The following SNAP25 variants were observed in gnomAD, a reference collection of about 807,000 sequenced individuals.
The protein encoded by SNAP25 is synaptosome associated protein 25.
A neutral mutation model predicts 28.7 loss-of-function variants in SNAP25; 3 were observed. The ratio of observed to expected loss-of-function variants is 0.10; its 90% CI spans 0.05 to 0.27. SNAP25 has a LOEUF of 0.27. Ranked by LOEUF, SNAP25 falls within the 10% of genes least tolerant of loss-of-function variation. SNAP25 has a pLI of 1.00. For synonymous variants in SNAP25, 61 were observed against 88.1 expected, an observed-to-expected ratio of 0.69 and a Z score of 1.72; for missense variants, 117 against 278.7, an observed-to-expected ratio of 0.42 and a Z score of 4.13.
At chr20:10,294,262 G>A (rs940227681) in intron 5 of SNAP25, among the ~76,000 whole-genome samples, 14 of 152,106 alleles carry the variant, frequency 9.2e-5, no homozygotes, top group African/African-American at 3.4e-4. Flanking sequence ...ATTTTTAGCA[G>A]ATTATATGAC....
intron 3 of SNAP25, among the ~76,000 whole-genome samples, chr20:10,282,657 C>A (rs2063801968): frequency 6.6e-6 from 1 of 152,180 alleles, no homozygotes; most frequent in Non-Finnish European, 1.5e-5. Flanking sequence ...TTTTTCCCAT[C>A]CACTGTCCCC....
chr20:10,238,686 G>A (rs532857713), intron 1 of SNAP25, among the ~76,000 whole-genome samples: 150 of 152,240 alleles, frequency 9.9e-4, no homozygotes, highest in African/African-American at 3.5e-3. Flanking sequence ...GAGGCAGGTG[G>A]ATCACATGAG....
At chr20:10,246,398 G>A (rs363045) in intron 1 of SNAP25, among the ~76,000 whole-genome samples, 4 of 152,148 alleles carry the variant, frequency 2.6e-5, no homozygotes, top group Non-Finnish European at 4.4e-5. Flanking sequence ...CACTTACAAG[G>A]TTCTCCTTAT....
At chr20:10,277,664 T>G (rs2063713578) in intron 2 of SNAP25, 21 bp from the exon 3 acceptor site, 9 of 1,610,712 alleles carry the variant, frequency 5.6e-6, no homozygotes, top group Non-Finnish European at 7.6e-6. Context: ...AGTTTATGTT[T>G]GTTTGTTTTT....
intron 7 of SNAP25, among the ~76,000 whole-genome samples, chr20:10,302,235 TAAGTA>T (rs1188376627): frequency 4.6e-5 from 7 of 152,176 alleles, no homozygotes; most frequent in African/African-American, 1.7e-4. Context: ...CCATCTCTAA[TAAGTA>T]AATATATAAA....
At chr20:10,231,762 AATGCCTATTAGAGC>A (rs2062833102) in intron 1 of SNAP25, 1 of 152,208 alleles carries the variant, frequency 6.6e-6, no homozygotes, top group African/African-American at 2.4e-5. Flanking sequence ...CCTCAAAGGA[AATGCCTATTAGAGC>A]ATTTCAGATT....
At chr20:10,232,615 CGCCAAATATAGATTGT>C (rs1231562108) in intron 1 of SNAP25, among the ~76,000 whole-genome samples, 1 of 152,186 alleles carries the variant, frequency 6.6e-6, no homozygotes, top group Non-Finnish European at 1.5e-5. Flanking sequence ...ACAATTCATT[CGCCAAATATAGATTGT>C]GCCTCCACCA....
chr20:10,285,098 C>A (rs1404703365), intron 4 of SNAP25, among the ~76,000 whole-genome samples: 1 of 152,028 alleles, frequency 6.6e-6, no homozygotes, highest in Non-Finnish European at 1.5e-5. Flanking sequence ...ATTATCTTTG[C>A]CCCTAAACTT....
Position 10,242,223 on chromosome 20 carries a change from C to T in SNAP25, c.-64+23246C>T, listed in dbSNP as rs111403410. Among the ~76,000 whole-genome samples the T allele has an allele frequency of 3.6e-3, 547 of 152,130 alleles. 2 individuals carry two copies. The highest frequency in any genetic ancestry group is 0.012 in the African/African-American group (498 of 41,522). ...AGAAAGTGAGGGGGAAAGAATGGGGCGGGAGAAAGAAGCAAGCAAGGATGT... is the reference window on the plus strand; with the variant it reads ...AGAAAGTGAGGGGGAAAGAATGGGGTGGGAGAAAGAAGCAAGCAAGGATGT... On this transcript the variant is annotated intron_variant, in intron 1 of 7. Coordinates refer to ENST00000254976, the MANE Select transcript of SNAP25 (RefSeq NM_130811.4).
At chr20:10,254,184 A>G (rs2063279332) in intron 1 of SNAP25, among the ~76,000 whole-genome samples, 1 of 152,206 alleles carries the variant, frequency 6.6e-6, no homozygotes, top group African/African-American at 2.4e-5. Flanking sequence ...CTCATACAGA[A>G]AGTTGCTTCA....
At chr20:10,240,213 C>T (rs747228018) in intron 1 of SNAP25, among the ~76,000 whole-genome samples, 40 of 152,118 alleles carry the variant, frequency 2.6e-4, no homozygotes, top group East Asian at 1.9e-4. Flanking sequence ...TCCCTTACCA[C>T]GTGACCCTCT....
chr20:10,292,840 C>A (rs752027728), intron 4 of SNAP25: 5 of 1,369,962 alleles, frequency 3.6e-6, no homozygotes, highest in Non-Finnish European at 4.1e-6. Flanking sequence ...TGGAGACCCC[C>A]AAAAAATTCA....
Position 10,299,307 on chromosome 20 carries a change from C to G in SNAP25, c.447C>G (p.Asn149Lys). 1 of 1,613,902 alleles carries G rather than the reference C, an allele frequency of 6.2e-7. No individual in the cohort carries two copies. The highest frequency in any genetic ancestry group is 8.5e-7 in the Non-Finnish European group (1 of 1,179,934). The change falls in exon 7 of 8, where the codon AAC becomes AAG. Residue 149 changes from asparagine (N) to lysine (K), a missense_variant. Asn to Lys is a moderately conservative substitution (Grantham distance 94, BLOSUM62 0). Transcript: ENST00000254976. The part of the protein sequence containing the change: ...NDARENEMDE[N>K]LEQVSGIIGN... ...CCCGAGAAAATGAAATGGATGAAAACCTAGAGCAGGTGAGCGGCATCATCG... is the reference window on the plus strand; with the variant it reads ...CCCGAGAAAATGAAATGGATGAAAAGCTAGAGCAGGTGAGCGGCATCATCG...
intron 1 of SNAP25, among the ~76,000 whole-genome samples, chr20:10,228,060 T>G (rs1345077606): frequency 6.6e-6 from 1 of 152,138 alleles, no homozygotes; most frequent in Non-Finnish European, 1.5e-5. Context: ...CATGATTTGG[T>G]AAATAAGTCC....
chr20:10,289,341 G>A (rs1017298297), intron 4 of SNAP25, among the ~76,000 whole-genome samples: 1 of 152,082 alleles, frequency 6.6e-6, no homozygotes, highest in African/African-American at 2.4e-5. Flanking sequence ...TCCTTTTGCT[G>A]GTCTTTGCTG....
At chr20:10,237,626 G>A (rs2327265) in intron 1 of SNAP25, among the ~76,000 whole-genome samples, 25,859 of 152,088 alleles carry the variant, frequency 0.17, 4,272 homozygotes, top group African/African-American at 0.44. Context: ...TTCAATATCT[G>A]TGTGCCAGGT....
At position 10,295,595 on chromosome 20, in the gene SNAP25, G is replaced by C. The variant is rs142905312; in HGVS notation, c.282-1330G>C. On this transcript the variant is annotated intron_variant, in intron 5 of 7. Transcript: ENST00000254976. ...TCCAGTTTGTCTCTAGGGTTGCTTG[G>C]CCCCCAGTCTGCAAGTATTAGAGCC... Among the ~76,000 whole-genome samples, 504 of 152,112 alleles carry C rather than the reference G, an allele frequency of 3.3e-3. 3 individuals carry two copies. Among genetic ancestry groups the C allele is most frequent in the African/African-American group, 0.012 (491 of 41,504 alleles).
chr20:10,229,245 T>C (rs931161845), intron 1 of SNAP25, among the ~76,000 whole-genome samples: 1 of 152,160 alleles, frequency 6.6e-6, no homozygotes, highest in African/African-American at 2.4e-5. Context: ...TATATTCAGC[T>C]TTGTGTTAAG....
intron 7 of SNAP25, among the ~76,000 whole-genome samples, chr20:10,299,760 C>T (rs796824429): frequency 4.6e-5 from 7 of 152,246 alleles, no homozygotes; most frequent in African/African-American, 1.7e-4. Flanking sequence ...TTTTCTATCA[C>T]TCAAAATATA....
Sources: gnomAD v4.1 joint callset for allele counts (sites outside exome capture counted in the v4.1 genomes callset) on GRCh38, gnomAD v4.1.1 for gene constraint, MANE v1.5 for transcripts, NCBI Gene and HGNC (gene_info 2026-07-23, HGNC 2026-07-21) for gene names.